Variants in KIAA1217 observed in about 807,000 individuals in gnomAD.
KIAA1217 encodes the protein sickle tail protein homolog.
KIAA1217 carries 88 observed loss-of-function variants against 163.9 expected under a neutral mutation model. The ratio of observed to expected loss-of-function variants is 0.54; its 90% confidence interval spans 0.45 to 0.64. The LOEUF is 0.64. Among genes scored for constraint, KIAA1217 ranks in the 30% least tolerant of loss-of-function variants. KIAA1217 has a pLI of 0.00. For missense variants in KIAA1217, 2,372 were observed against 2,475.0 expected, an observed-to-expected ratio of 0.96 and a Z score of 0.88; for synonymous variants, 903 against 923.1, an observed-to-expected ratio of 0.98 and a Z score of 0.39.
chr10:23,757,556 C>T (rs563157675), intron 1 of KIAA1217, among the ~76,000 whole-genome samples: 3 of 151,992 alleles, frequency 2.0e-5, no homozygotes, highest in Admixed American at 6.6e-5. Context: ...CTCACTCTGT[C>T]GCCCAGGCTG....
At chr10:24,505,959 A>C (rs1180524936) in intron 9 of KIAA1217, among the ~76,000 whole-genome samples, 1 of 152,054 alleles carries the variant, frequency 6.6e-6, no homozygotes. Flanking sequence ...CGGATCCCTG[A>C]GAACAGCATA....
chr10:24,501,690 G>A, intron 9 of KIAA1217, 145 bp downstream of exon 9: 1 of 342,994 alleles, frequency 2.9e-6, no homozygotes, highest in Middle Eastern at 1.1e-3. Context: ...TCCAAGTCTA[G>A]AGCCTTCCAC....
At chr10:24,356,871 G>C (rs903510002) in intron 2 of KIAA1217, among the ~76,000 whole-genome samples, 14 of 152,208 alleles carry the variant, frequency 9.2e-5, no homozygotes, top group Non-Finnish European at 2.1e-4. Context: ...ATAGCAACAT[G>C]ATACGGACTA....
chr10:23,931,700 C>T (rs2131312726), intron 1 of KIAA1217, among the ~76,000 whole-genome samples: 1 of 152,292 alleles, frequency 6.6e-6, no homozygotes, highest in East Asian at 1.9e-4. Context: ...TTTCCTTTCT[C>T]ATGGGTGGGG....
chr10:23,748,481 G>T (rs1310872636), intron 1 of KIAA1217, among the ~76,000 whole-genome samples: 9 of 144,640 alleles, frequency 6.2e-5, no homozygotes, highest in African/African-American at 2.3e-4. Context: ...AGGAAGGAAG[G>T]AAGGAAGGAA....
At chr10:23,730,369 T>A (rs1838408663) in intron 1 of KIAA1217, among the ~76,000 whole-genome samples, 1 of 152,228 alleles carries the variant, frequency 6.6e-6, no homozygotes, top group South Asian at 2.1e-4. Context: ...GTTTTATTAA[T>A]CTATTTGTCT....
At chr10:23,780,716 T>G (rs987735943) in intron 1 of KIAA1217, among the ~76,000 whole-genome samples, 40 of 152,206 alleles carry the variant, frequency 2.6e-4, no homozygotes, top group African/African-American at 8.7e-4. Flanking sequence ...GTTTCACTCT[T>G]GTTGCCCAGG....
intron 1 of KIAA1217, among the ~76,000 whole-genome samples, chr10:23,895,362 A>G (rs1458383969): frequency 6.6e-6 from 1 of 152,170 alleles, no homozygotes; most frequent in Non-Finnish European, 1.5e-5. Flanking sequence ...AAAAGAAGAC[A>G]TTTATGCAGC....
intron 1 of KIAA1217, among the ~76,000 whole-genome samples, chr10:23,871,541 C>G (rs527266527): frequency 6.6e-6 from 1 of 152,136 alleles, no homozygotes; most frequent in South Asian, 2.1e-4. Flanking sequence ...CACTACAAAG[C>G]CATCAGCACA....
intron 1 of KIAA1217, among the ~76,000 whole-genome samples, chr10:23,983,733 G>T (rs1350288076): frequency 6.6e-6 from 1 of 152,122 alleles, no homozygotes; most frequent in Non-Finnish European, 1.5e-5. Context: ...CCTCTTGACT[G>T]CAAACATTCA....
chr10:23,852,176 T>G (rs973088453), intron 1 of KIAA1217, among the ~76,000 whole-genome samples: 50 of 152,294 alleles, frequency 3.3e-4, no homozygotes, highest in Admixed American at 5.2e-4. Flanking sequence ...TAATCCATCT[T>G]GAATTAATTT....
chr10:24,154,596 C>T (rs1280511059), intron 2 of KIAA1217, among the ~76,000 whole-genome samples: 1 of 151,896 alleles, frequency 6.6e-6, no homozygotes, highest in African/African-American at 2.4e-5. Context: ...GAGGAGAGGC[C>T]GAGCACAGTG....
intron 2 of KIAA1217, among the ~76,000 whole-genome samples, chr10:24,265,346 C>T (rs1201987108): frequency 6.6e-6 from 1 of 152,130 alleles, no homozygotes; most frequent in Non-Finnish European, 1.5e-5. Flanking sequence ...GTATGTAGTC[C>T]TTTGGAGACT....
intron 2 of KIAA1217, among the ~76,000 whole-genome samples, chr10:24,332,671 A>C (rs1054486725): frequency 2.0e-5 from 3 of 152,094 alleles, no homozygotes; most frequent in African/African-American, 4.8e-5. Flanking sequence ...ACCAGAAAGA[A>C]ATGATTACTT....
chr10:23,764,192 CAT>C (rs1286891132), intron 1 of KIAA1217, among the ~76,000 whole-genome samples: 2 of 152,052 alleles, frequency 1.3e-5, no homozygotes, highest in African/African-American at 4.8e-5. Context: ...AGCCAACTAA[CAT>C]ATGAAAAAAA....
chr10:24,283,519 T>G (rs1325135892), intron 2 of KIAA1217, among the ~76,000 whole-genome samples: 1 of 152,052 alleles, frequency 6.6e-6, no homozygotes, highest in African/African-American at 2.4e-5. Context: ...ATTCAAAAAT[T>G]AGCCAGAAGT....
chr10:24,460,028 C>A (rs374631007), intron 5 of KIAA1217, among the ~76,000 whole-genome samples: 1 of 152,196 alleles, frequency 6.6e-6, no homozygotes, highest in African/African-American at 2.4e-5. Flanking sequence ...TCCCCCATCA[C>A]CCTGCTGTGC....
chr10:24,086,560 GA>G (rs753519668), intron 2 of KIAA1217, among the ~76,000 whole-genome samples: 52 of 152,234 alleles, frequency 3.4e-4, no homozygotes, highest in Admixed American at 5.9e-4. Flanking sequence ...AGTGAACTTG[GA>G]AGAAAGCTTT....
At chr10:24,537,546 C>T (rs1265102162) in intron 17 of KIAA1217, among the ~76,000 whole-genome samples, 1 of 150,522 alleles carries the variant, frequency 6.6e-6, no homozygotes, top group Admixed American at 6.6e-5. Flanking sequence ...CACTGCACTC[C>T]AGCCTGGGCA....
Sources: gnomAD v4.1 joint callset for allele counts (sites outside exome capture counted in the v4.1 genomes callset) on GRCh38, gnomAD v4.1.1 for gene constraint, MANE v1.5 for transcripts, NCBI Gene and HGNC (gene_info 2026-07-23, HGNC 2026-07-21) for gene names.